The following DCAF8 variants were observed in gnomAD, a reference collection of about 807,000 sequenced individuals.
The protein encoded by DCAF8 is DDB1- and CUL4-associated factor 8.
Under a neutral mutation model 68.0 loss-of-function variants are expected in DCAF8, and 20 were observed. The ratio of observed to expected loss-of-function variants is 0.29; its 90% CI spans 0.21 to 0.43. The LOEUF (loss-of-function observed/expected upper bound fraction) is 0.43. Among genes scored for constraint, DCAF8 ranks in the 20% least tolerant of loss-of-function variants. DCAF8 has a pLI of 1.00. For missense variants in DCAF8, 460 were observed against 771.0 expected, an observed-to-expected ratio of 0.60 and a Z score of 4.78; for synonymous variants, 230 against 276.9, an observed-to-expected ratio of 0.83 and a Z score of 1.68.
chr1:160,235,934 T>C (rs938307668), intron 6 of DCAF8, among the ~76,000 whole-genome samples: 7 of 152,180 alleles, frequency 4.6e-5, no homozygotes, highest in African/African-American at 1.7e-4. Context: ...AGGTGAGGTT[T>C]TGCCATGTTG....
At chr1:160,257,982 G>A (rs898156141) in intron 2 of DCAF8, among the ~76,000 whole-genome samples, 1 of 152,096 alleles carries the variant, frequency 6.6e-6, no homozygotes, top group African/African-American at 2.4e-5. Context: ...TCCCACCTTG[G>A]CCTCCCAAAA....
At chr1:160,242,780 T>G (rs1318002911) in intron 3 of DCAF8, among the ~76,000 whole-genome samples, 1 of 152,178 alleles carries the variant, frequency 6.6e-6, no homozygotes, top group Non-Finnish European at 1.5e-5. Flanking sequence ...ATGACTGTAT[T>G]CCAATAAAAC....
intron 3 of DCAF8, among the ~76,000 whole-genome samples, chr1:160,242,819 T>C (rs919174751): frequency 1.3e-5 from 2 of 152,232 alleles, no homozygotes; most frequent in African/African-American, 2.4e-5. Context: ...AGGCTGGATT[T>C]GGCCTGCAAT....
rs1656034177 is a variant in DCAF8, at chr1:160,239,858, C to G, written c.562G>C (p.Gly188Arg). The G allele has an allele frequency of 6.2e-7, 1 of 1,614,154 alleles. No homozygotes were observed. Among genetic ancestry groups the G allele is most frequent in the Admixed American group, 1.7e-5 (1 of 60,014 alleles). The part of the protein sequence containing the change: ...VFVQRFRLQH[G>R]LEGHTGCVNT... Reference sequence around the variant, plus strand: ...ACACAACCAGTATGGCCCTCAAGCCCATGCTGCAGGCGGAAACGCTGCACA... The same window carrying G: ...ACACAACCAGTATGGCCCTCAAGCCGATGCTGCAGGCGGAAACGCTGCACA... The change falls in exon 4 of 14, where the codon GGG (glycine) becomes CGG (arginine). Residue 188 changes from glycine to arginine, a missense_variant. By Grantham distance (125) the Gly-to-Arg change is moderately radical (BLOSUM62 -2). Transcript: ENST00000368074.
At chr1:160,225,751 AG>A in intron 7 of DCAF8, 88 bp from the exon 8 acceptor site, 2 of 1,005,496 alleles carry the variant, frequency 2.0e-6, no homozygotes, top group South Asian at 1.5e-5. Context: ...GGAAACTGCC[AG>A]CTGGATGCAG....
At chr1:160,243,767 T>C (rs1220119515) in intron 3 of DCAF8, among the ~76,000 whole-genome samples, 193 bp downstream of exon 3, 1 of 152,158 alleles carries the variant, frequency 6.6e-6, no homozygotes, top group Admixed American at 6.5e-5. Context: ...ATTTTGAAAA[T>C]GATCAGATAA....
intron 7 of DCAF8, among the ~76,000 whole-genome samples, chr1:160,228,892 A>C (rs56056529): frequency 1.3e-5 from 2 of 152,188 alleles, no homozygotes. Flanking sequence ...GAAACCTCAA[A>C]ACATTCAGTT....
chr1:160,235,323 G>A (rs1484631026), intron 6 of DCAF8, among the ~76,000 whole-genome samples: 1 of 151,812 alleles, frequency 6.6e-6, no homozygotes, highest in African/African-American at 2.4e-5. Context: ...CAGTAGAGAC[G>A]AGGTTTCACC....
intron 2 of DCAF8, among the ~76,000 whole-genome samples, chr1:160,246,026 T>C (rs1363941516): frequency 6.6e-6 from 1 of 151,970 alleles, no homozygotes; most frequent in East Asian, 1.9e-4. Context: ...TAATCCCAGC[T>C]ACTAGGGAGG....
chr1:160,230,277 T>C (rs1172948177), intron 7 of DCAF8, among the ~76,000 whole-genome samples: 1 of 152,142 alleles, frequency 6.6e-6, no homozygotes, highest in East Asian at 1.9e-4. Context: ...CACTTACCAT[T>C]AGGAAAGCAA....
At chr1:160,220,249 AG>A (rs1418196572) in intron 11 of DCAF8, 1 of 152,264 alleles carries the variant, frequency 6.6e-6, no homozygotes, top group Non-Finnish European at 1.5e-5. Context: ...TGCCTGGAAT[AG>A]TATCTATCTA....
chr1:160,241,970 C>T (rs1476915026), intron 3 of DCAF8, among the ~76,000 whole-genome samples: 2 of 152,166 alleles, frequency 1.3e-5, no homozygotes, highest in African/African-American at 2.4e-5. Context: ...AGGCTGGGCG[C>T]GGTGGCTAAC....
In DCAF8 at chr1:160,239,355, T is replaced by C. The variant is rs568100648; in HGVS notation, c.723+342A>G. ...AAACTGAAGACAAAGGTAAAATAACTTGGCCAAGATCACTGAGCTAGTAAG... is the reference window on the plus strand; with the variant it reads ...AAACTGAAGACAAAGGTAAAATAACCTGGCCAAGATCACTGAGCTAGTAAG... On this transcript the variant is annotated intron_variant, in intron 4 of 13. Coordinates refer to ENST00000368074, the MANE Select transcript of DCAF8 (RefSeq NM_015726.4). The C allele has an allele frequency of 4.1e-5, 54 of 1,322,224 alleles. No individual in the cohort carries two copies. The East Asian group carries it at 1.4e-3, about 35-fold the overall frequency. 81.9% of individuals were successfully genotyped at this position (1,322,224 alleles called of 1,614,324 possible).
At chr1:160,233,244 C>T (rs1375557856) in intron 6 of DCAF8, among the ~76,000 whole-genome samples, 2 of 152,134 alleles carry the variant, frequency 1.3e-5, no homozygotes. Context: ...ATCTCTGCAG[C>T]TTTTCATTAA....
intron 2 of DCAF8, among the ~76,000 whole-genome samples, chr1:160,253,818 CCT>C (rs1426512178): frequency 2.6e-5 from 4 of 151,160 alleles, no homozygotes; most frequent in African/African-American, 9.7e-5. Context: ...AGAGCAAGTC[CCT>C]GTCTCAGAAA....
chr1:160,260,371 CAT>C (rs1453353243), intron 2 of DCAF8, among the ~76,000 whole-genome samples: 1 of 152,198 alleles, frequency 6.6e-6, no homozygotes, highest in Non-Finnish European at 1.5e-5. Flanking sequence ...TACTGATACA[CAT>C]ATACACCATC....
intron 2 of DCAF8, among the ~76,000 whole-genome samples, chr1:160,258,931 C>T (rs1013156364): frequency 6.6e-6 from 1 of 152,160 alleles, no homozygotes. Context: ...CTTTCCTTCA[C>T]CCGACATGGA....
chr1:160,229,750 A>G (rs532444310), intron 7 of DCAF8, among the ~76,000 whole-genome samples: 37 of 152,310 alleles, frequency 2.4e-4, no homozygotes, highest in African/African-American at 8.7e-4. Context: ...GGCCAGGCAC[A>G]GTGGCTCATG....
chr1:160,232,337 T>C (rs1655720625), intron 6 of DCAF8, among the ~76,000 whole-genome samples: 1 of 151,546 alleles, frequency 6.6e-6, no homozygotes, highest in Non-Finnish European at 1.5e-5. Context: ...CAAGACCCCA[T>C]CTCTATAAAA....
Sources: allele counts gnomAD v4.1 joint callset (sites outside exome capture counted in the v4.1 genomes callset), GRCh38; gene constraint gnomAD v4.1.1; transcripts MANE v1.5; gene names NCBI Gene and HGNC (gene_info 2026-07-23, HGNC 2026-07-21).